TMEM98: variants seen among roughly 807,000 people sequenced by gnomAD.
TMEM98 encodes transmembrane protein 98.
In TMEM98, 18 loss-of-function variants were observed where a neutral mutation model predicts 25.0. That is an observed-to-expected ratio of 0.72 (90% CI 0.50 to 1.07). The LOEUF (loss-of-function observed/expected upper bound fraction) is 1.07, where lower values mean the gene tolerates loss of function less well. Among genes scored for constraint, TMEM98 ranks in the 50% least tolerant of loss-of-function variants. The pLI, the probability that TMEM98 is intolerant of heterozygous loss-of-function variation, is 0.00. For synonymous variants in TMEM98, 103 were observed against 112.4 expected (o/e 0.92, Z 0.53); for missense variants, 241 against 289.0 (o/e 0.83, Z 1.20).
At position 32,943,421 on chromosome 17, in the gene TMEM98, T is replaced by C. The variant is rs1307551441; in HGVS notation, c.*2428T>C. 6.6e-6 allele frequency: 1 copy of C among 152,124 alleles called. No homozygotes were observed. The highest frequency in any genetic ancestry group is 1.5e-5 in the Non-Finnish European group (1 of 68,028). 9.4% of individuals were successfully genotyped at this position (152,124 alleles called of 1,614,324 possible). A position where few individuals can be genotyped will look rare whatever the true frequency, so the allele number is the denominator to read the frequency against. On this transcript the variant is annotated 3_prime_UTR_variant, in exon 8 of 8. Coordinates refer to ENST00000579849, the MANE Select transcript of TMEM98 (RefSeq NM_015544.3). ...CTCAGGACTGTCTCTGTGCCAGGTGTGGTTTCCCAGGCAACAGACACATTC... is the reference window on the plus strand; with the variant it reads ...CTCAGGACTGTCTCTGTGCCAGGTGCGGTTTCCCAGGCAACAGACACATTC...
rs148864266 is a variant in TMEM98, at chr17:32,929,279, C to G, written c.-131+1042C>G. On this transcript the variant is annotated intron_variant, in intron 1 of 7. Coordinates refer to ENST00000579849, the MANE Select transcript of TMEM98 (RefSeq NM_015544.3). Reference sequence around the variant, plus strand: ...CAGCTCACGCACACTAACACAAACACACACGGAGAAACACACTTAGAAGCA... The same window carrying G: ...CAGCTCACGCACACTAACACAAACAGACACGGAGAAACACACTTAGAAGCA... Among the ~76,000 whole-genome samples, 503 of 151,480 alleles carry G rather than the reference C, an allele frequency of 3.3e-3. 7 individuals are homozygous for G. Among genetic ancestry groups the G allele is most frequent in the Non-Finnish European group, 5.5e-4 (37 of 67,828 alleles).
intron 3 of TMEM98, 61 bp from the exon 4 acceptor site, chr17:32,933,113 A>T: frequency 6.2e-7 from 1 of 1,600,270 alleles, no homozygotes; most frequent in Non-Finnish European, 8.5e-7. Flanking sequence ...GGCCTCAGTG[A>T]GGAGAGGATC....
rs534644506 is a variant in TMEM98 at position 32,928,333 on chromosome 17, C to G, written c.-131+96C>G. ...GCCCGGCTGCCGGGGAGAGGGGAGG[C>G]GGGTGCCGCAGCTTTGTTCTTGCCG... On this transcript the variant is annotated intron_variant, in intron 1 of 7. Coordinates refer to ENST00000579849, the MANE Select transcript of TMEM98 (RefSeq NM_015544.3). The G allele has an allele frequency of 1.0e-4, 15 of 150,350 alleles. No homozygotes were observed. The East Asian group carries it at 2.2e-3, about 22-fold the overall frequency. 9.3% of individuals were successfully genotyped at this position (150,350 alleles called of 1,614,324 possible).
chr17:32,939,893 T>C (rs974681074), intron 7 of TMEM98, among the ~76,000 whole-genome samples: 2 of 152,194 alleles, frequency 1.3e-5, no homozygotes, highest in Non-Finnish European at 2.9e-5. Flanking sequence ...TGCCACCCAG[T>C]TGGGCGGTGG....
In TMEM98 at chr17:32,931,604, G is replaced by A; in HGVS notation, c.76G>A (p.Val26Ile). The change falls in exon 3 of 8, where the codon GTT (valine) becomes ATT (isoleucine). Residue 26 changes from valine (V) to isoleucine (I), a missense_variant. By Grantham distance (29) the Val-to-Ile change is conservative. Transcript: ENST00000579849. ...FLASFAALVLVCRQRYCRPRD... is the reference protein window; with the variant it reads ...FLASFAALVLICRQRYCRPRD... ...GGCTTCGTTTGCAGCCTTGGTGCTG[G>A]TTTGCAGGCAGCGCTACTGCCGGCC... is the stretch of plus-strand genomic sequence containing the variant. The A allele has an allele frequency of 1.9e-6, 3 of 1,604,608 alleles. No individual in the cohort carries two copies. The highest frequency in any genetic ancestry group is 2.6e-6 in the Non-Finnish European group (3 of 1,175,962).
Position 32,939,549 on chromosome 17 carries a change from G to A in TMEM98, c.473+13G>A. The stretch of plus-strand genomic sequence containing the variant: ...TCCTGGACGCACGGTGAGACCAGGG[G>A]TGGGTGCATGTTCGGTTTTTCATGC... On this transcript the variant is annotated intron_variant, in intron 7 of 7. Transcript: ENST00000579849. The A allele has an allele frequency of 1.2e-6, 2 of 1,614,080 alleles. No individual in the cohort carries two copies. The highest frequency in any genetic ancestry group is 1.7e-6 in the Non-Finnish European group (2 of 1,179,930).
At chr17:32,936,969 G>A (rs29008) in intron 6 of TMEM98, among the ~76,000 whole-genome samples, 13,526 of 152,298 alleles carry the variant, frequency 0.089, 677 homozygotes, top group Non-Finnish European at 0.094. Flanking sequence ...CAGATTCCAG[G>A]CTAACTGCGA....
rs939558947 is a variant in TMEM98, at chr17:32,930,269, G to A, written c.-130-1058G>A. Among the ~76,000 whole-genome samples, 5 of 152,122 alleles carry A rather than the reference G, an allele frequency of 3.3e-5. 1 individual carries two copies. Among genetic ancestry groups the A allele is most frequent in the East Asian group, 1.9e-4 (1 of 5,198 alleles). On this transcript the variant is annotated intron_variant, in intron 1 of 7. Transcript: ENST00000579849. ...ATGCCCTTGTTCTTCTGGCTTATGA[G>A]TTTAAAATAGGTGTGAAAGACCCCG...
chr17:32,929,171 T>C (rs2091451698), intron 1 of TMEM98, among the ~76,000 whole-genome samples: 1 of 150,016 alleles, frequency 6.7e-6, no homozygotes, highest in South Asian at 2.1e-4. Context: ...TAGCTAACAC[T>C]CAGAAACACA....
chr17:32,930,338 A>G (rs930290572), intron 1 of TMEM98, among the ~76,000 whole-genome samples: 10 of 152,220 alleles, frequency 6.6e-5, no homozygotes, highest in Non-Finnish European at 1.3e-4. Context: ...TTATCAAGTT[A>G]CATTTTATGT....
intron 6 of TMEM98, among the ~76,000 whole-genome samples, chr17:32,937,271 A>G (rs1369610455): frequency 4.0e-5 from 6 of 150,892 alleles, no homozygotes; most frequent in Admixed American, 6.6e-5. Flanking sequence ...CCTTGTTGCC[A>G]TGGCCCCAGG....
At chr17:32,934,967 G>GA (rs2091488674) in intron 5 of TMEM98, among the ~76,000 whole-genome samples, 1 of 151,922 alleles carries the variant, frequency 6.6e-6, no homozygotes, top group South Asian at 2.1e-4. Flanking sequence ...CTACCTAATA[G>GA]AATAATAACT....
rs572201932 is a variant in TMEM98, at chr17:32,943,217, GT to G, written c.*2233del. ...GGATTTCTGATCCCACTGCTGTGTAGTTTTTTTTTCTAGTGCTGGACAAGTA... is the reference window on the plus strand; with the variant it reads ...GGATTTCTGATCCCACTGCTGTGTAGTTTTTTTTCTAGTGCTGGACAAGTA... On this transcript the variant is annotated 3_prime_UTR_variant, in exon 8 of 8. Coordinates refer to ENST00000579849, the MANE Select transcript of TMEM98 (RefSeq NM_015544.3). 94 of 152,074 alleles carry G rather than the reference GT, an allele frequency of 6.2e-4. 2 individuals carry two copies. In the East Asian group the frequency reaches 0.017, roughly 27 times the overall value. 9.4% of individuals were successfully genotyped at this position (152,074 alleles called of 1,614,324 possible).
intron 5 of TMEM98, among the ~76,000 whole-genome samples, chr17:32,934,559 T>A (rs759549985): frequency 5.3e-5 from 8 of 152,232 alleles, no homozygotes; most frequent in Non-Finnish European, 8.8e-5. Flanking sequence ...TTCAATGACC[T>A]GTGGGAAAGA....
intron 3 of TMEM98, 34 bp downstream of exon 3, chr17:32,931,693 T>C: frequency 6.3e-7 from 1 of 1,593,428 alleles, no homozygotes; most frequent in Non-Finnish European, 8.5e-7. Context: ...GGAGGAGGGG[T>C]GGGCTCTAAC....
rs543749321 is a variant in TMEM98 at position 32,933,529 on chromosome 17, G to A, written c.263+224G>A. 2.6e-5 allele frequency among the ~76,000 whole-genome samples: 4 copies of A among 152,298 alleles called. No homozygotes were observed. In the East Asian group the frequency reaches 7.7e-4, roughly 29 times the overall value. ...GACCTGAACACTGCGGCCTATAGTTGTGTGGCAAAGGTTGTTATAAAGTCA... is the reference window on the plus strand; with the variant it reads ...GACCTGAACACTGCGGCCTATAGTTATGTGGCAAAGGTTGTTATAAAGTCA... On this transcript the variant is annotated intron_variant, in intron 4 of 7. Transcript: ENST00000579849.
intron 1 of TMEM98, among the ~76,000 whole-genome samples, chr17:32,930,108 A>G (rs559008742): frequency 6.6e-6 from 1 of 152,034 alleles, no homozygotes; most frequent in South Asian, 2.1e-4. Context: ...CCCTCCTGGT[A>G]TTCTAAGGAC....
At chr17:32,939,058 C>A (rs1380832452) in intron 6 of TMEM98, among the ~76,000 whole-genome samples, 1 of 151,914 alleles carries the variant, frequency 6.6e-6, no homozygotes, top group Non-Finnish European at 1.5e-5. Flanking sequence ...GGAGAAAGAA[C>A]CATTAAAGAC....
rs2091525324 is a variant in TMEM98 at position 32,940,772 on chromosome 17, C to G, written c.474-14C>G. 6.9e-6 allele frequency: 11 copies of G among 1,605,624 alleles called. No individual in the cohort carries two copies. The East Asian group carries it at 2.2e-4, about 33-fold the overall frequency. ...TTCCTAGGAAACCTGACCCTATTTTCTTTTTTTCCCTAGGACGACTGCCCT... is the reference window on the plus strand; with the variant it reads ...TTCCTAGGAAACCTGACCCTATTTTGTTTTTTTCCCTAGGACGACTGCCCT... On this transcript the variant is annotated splice_polypyrimidine_tract_variant and intron_variant, in intron 7 of 7. Transcript: ENST00000579849.
Sources: gnomAD v4.1 joint callset for allele counts (sites outside exome capture counted in the v4.1 genomes callset) on GRCh38, gnomAD v4.1.1 for gene constraint, MANE v1.5 for transcripts, NCBI Gene and HGNC (gene_info 2026-07-23, HGNC 2026-07-21) for gene names.